The following UBR1 variants were observed in gnomAD, a reference collection of about 807,000 sequenced individuals.
UBR1 encodes ubiquitin protein ligase E3 component n-recognin 1, also known as E3 ubiquitin-protein ligase UBR1.
Under a neutral mutation model 242.1 loss-of-function variants are expected in UBR1, and 102 were observed. The observed-to-expected ratio is 0.42, with a 90% CI of 0.36 to 0.50. The LOEUF is 0.50. Ranked by LOEUF, UBR1 falls within the 20% of genes least tolerant of loss-of-function variation. The pLI, the probability that UBR1 is intolerant of heterozygous loss-of-function variation, is 0.01. For missense variants in UBR1, 1,772 were observed against 2,101.8 expected (o/e 0.84, Z 3.07); for synonymous variants, 675 against 684.8 (o/e 0.99, Z 0.22).
intron 27 of UBR1, among the ~76,000 whole-genome samples, chr15:43,019,373 T>C (rs1400945683): frequency 6.6e-6 from 1 of 151,606 alleles, no homozygotes; most frequent in African/African-American, 2.4e-5. Context: ...AATAATGATA[T>C]TACATCATGC....
intron 46 of UBR1, among the ~76,000 whole-genome samples, chr15:42,946,327 A>C (rs1168865867): frequency 6.6e-6 from 1 of 151,974 alleles, no homozygotes; most frequent in East Asian, 1.9e-4. Flanking sequence ...GGGGTTTCAC[A>C]ATGTTGGCCA....
intron 14 of UBR1, among the ~76,000 whole-genome samples, chr15:43,044,304 T>C (rs1012421223): frequency 7.2e-5 from 11 of 152,074 alleles, no homozygotes; most frequent in Admixed American, 6.6e-5. Flanking sequence ...ATAAAGTTAG[T>C]AGACAAAGAA....
chr15:43,083,087 T>A (rs900342838), intron 2 of UBR1, among the ~76,000 whole-genome samples: 5 of 152,238 alleles, frequency 3.3e-5, no homozygotes, highest in Non-Finnish European at 7.3e-5. Flanking sequence ...AAATATATTT[T>A]ACAAAAGCTG....
rs1393906747 is a variant in UBR1 at position 43,047,135 on chromosome 15, T to A, written c.1668+26A>T. 1.9e-6 allele frequency: 3 copies of A among 1,613,806 alleles called. No homozygotes were observed. In the South Asian group the frequency reaches 3.3e-5, roughly 18 times the overall value. ...AATTACTAAGAACTTAAAAAGGCAC[T>A]GATCCTACTAACAAATTTTACTTAC... On this transcript the variant is annotated intron_variant, in intron 14 of 46. Transcript: ENST00000290650.
At position 42,963,949 on chromosome 15, in the gene UBR1, C is replaced by T. The variant is rs537486780; in HGVS notation, c.4686G>A (p.Arg1562=). The T allele has an allele frequency of 1.6e-5, 25 of 1,611,624 alleles. No homozygotes were observed. In the South Asian group the frequency reaches 2.7e-4, roughly 18 times the overall value. Residue 1562 remains arginine (R), a synonymous_variant, in exon 42 of 47, where the codon AGG becomes AGA. Coordinates refer to ENST00000290650, the MANE Select transcript of UBR1 (RefSeq NM_174916.3). ...LLFQEYWDTV[R]PLLQRWCADP... ...CCCCATAGTACCTCTGGAGCAAGGG[C>T]CTTACAGTATCCCAATATTCCTGGA...
chr15:43,003,357 GCGATTCT>G (rs2032755429), intron 31 of UBR1: 1 of 189,956 alleles, frequency 5.3e-6, no homozygotes, highest in Non-Finnish European at 1.1e-5. Flanking sequence ...CTGGGTTCAA[GCGATTCT>G]CCTGCCTCAG....
chr15:43,017,265 G>T (rs2033040019), intron 27 of UBR1, 84 bp from the exon 28 acceptor site: 3 of 936,488 alleles, frequency 3.2e-6, no homozygotes, highest in Admixed American at 3.9e-5. Context: ...ATCTGATTTT[G>T]GCATCATATC....
At chr15:43,031,956 T>G (rs2033263200) in intron 20 of UBR1, among the ~76,000 whole-genome samples, 1 of 151,986 alleles carries the variant, frequency 6.6e-6, no homozygotes, top group Non-Finnish European at 1.5e-5. Flanking sequence ...ATCGCTTGAA[T>G]CCAGGAGGCA....
At chr15:43,042,009 C>T (rs962480550) in intron 15 of UBR1, among the ~76,000 whole-genome samples, 3 of 151,948 alleles carry the variant, frequency 2.0e-5, no homozygotes, top group Admixed American at 2.0e-4. Flanking sequence ...TGGTTATTAT[C>T]TGGGGGGGAA....
chr15:43,104,180 T>C (rs2034270088), intron 1 of UBR1, among the ~76,000 whole-genome samples: 1 of 152,192 alleles, frequency 6.6e-6, no homozygotes, highest in South Asian at 2.1e-4. Context: ...TAATAATATT[T>C]CCTGAGGTAA....
At chr15:42,946,281 T>C (rs2096731363) in intron 46 of UBR1, among the ~76,000 whole-genome samples, 1 of 152,090 alleles carries the variant, frequency 6.6e-6, no homozygotes, top group African/African-American at 2.4e-5. Flanking sequence ...CCCGCCACGA[T>C]ACCTGGCTAA....
intron 15 of UBR1, among the ~76,000 whole-genome samples, chr15:43,038,972 G>C (rs1246580621): frequency 6.6e-6 from 1 of 150,736 alleles, no homozygotes; most frequent in Non-Finnish European, 1.5e-5. Flanking sequence ...CATTAAAAAG[G>C]TACTTTTAAC....
At position 43,017,081 on chromosome 15, in the gene UBR1, T is replaced by C; in HGVS notation, c.3027+14A>G. On this transcript the variant is annotated intron_variant, in intron 28 of 46. Transcript: ENST00000290650. The stretch of plus-strand genomic sequence containing the variant: ...GAATGTCACCATTACTACAGTGTTA[T>C]TACAGTGTCATACCTCATCATTCTT... 7 of 1,598,472 alleles carry C rather than the reference T, an allele frequency of 4.4e-6. No homozygotes were observed. Among genetic ancestry groups the C allele is most frequent in the Non-Finnish European group, 6.0e-6 (7 of 1,166,172 alleles).
intron 1 of UBR1, among the ~76,000 whole-genome samples, chr15:43,086,848 A>G (rs2034041963): frequency 6.6e-6 from 1 of 152,168 alleles, no homozygotes; most frequent in Admixed American, 6.5e-5. Context: ...AAAACTGGCA[A>G]TATCAAATGC....
In UBR1 at chr15:42,970,624, G is replaced by A. The variant is rs1248296879; in HGVS notation, c.4370-17C>T. The A allele has an allele frequency of 2.5e-6, 4 of 1,605,818 alleles. No homozygotes were observed. The African/African-American group carries it at 5.4e-5, about 21-fold the overall frequency. On this transcript the variant is annotated splice_polypyrimidine_tract_variant and intron_variant, in intron 39 of 46. Coordinates refer to ENST00000290650, the MANE Select transcript of UBR1 (RefSeq NM_174916.3). ...GGGGTAGGCCTGAAAAAGAAATTCTGCAAGATGAATTATGTATTTGCTATT... is the reference window on the plus strand; with the variant it reads ...GGGGTAGGCCTGAAAAAGAAATTCTACAAGATGAATTATGTATTTGCTATT...
At position 43,036,495 on chromosome 15, in the gene UBR1, G is replaced by A. The variant is rs1428099961; in HGVS notation, c.2088+33C>T. 1.1e-5 allele frequency: 16 copies of A among 1,476,204 alleles called. No homozygotes were observed. In the East Asian group the frequency reaches 3.6e-4, roughly 33 times the overall value. The allele number at this position is 1,476,204 out of a possible 1,614,324, so 91.4% of individuals were successfully genotyped here. A position where few individuals can be genotyped will look rare whatever the true frequency, so the allele number is the denominator to read the frequency against. On this transcript the variant is annotated intron_variant, in intron 18 of 46. Coordinates refer to ENST00000290650, the MANE Select transcript of UBR1 (RefSeq NM_174916.3). ...GAAAGAATTCAAGAAGGAAGATGAA[G>A]ACACAAATATCAGAAACAATTTAAA...
intron 19 of UBR1, among the ~76,000 whole-genome samples, chr15:43,034,209 C>A (rs1475755356): frequency 6.6e-6 from 1 of 151,400 alleles, no homozygotes; most frequent in Non-Finnish European, 1.5e-5. Flanking sequence ...GCACTCCAGC[C>A]TGGGTGACAG....
At position 43,007,239 on chromosome 15, in the gene UBR1, T is replaced by C. The variant is rs2032846705; in HGVS notation, c.3255A>G (p.Lys1085=). ...CCTTTTCAGTAACAGATGGACCCCG[T>C]TTAGGACCCAAAGCAATTCTAGAGT... ...SDYSRIALGP[K]RGPSVTEKEV... is the part of the protein sequence containing the mutation. Residue 1085 remains lysine (K), a synonymous_variant, in exon 30 of 47, where the codon AAA becomes AAG. Coordinates refer to ENST00000290650, the MANE Select transcript of UBR1 (RefSeq NM_174916.3). The C allele has an allele frequency of 6.2e-7, 1 of 1,613,942 alleles. No homozygotes were observed. Among genetic ancestry groups the C allele is most frequent in the Admixed American group, 1.7e-5 (1 of 59,996 alleles).
intron 1 of UBR1, among the ~76,000 whole-genome samples, chr15:43,100,275 C>T (rs140613916): frequency 3.1e-4 from 47 of 152,234 alleles, no homozygotes; most frequent in Non-Finnish European, 6.5e-4. Context: ...GTTCAGTCCT[C>T]CCACTTATGT....
Sources: gnomAD v4.1 joint callset for allele counts (sites outside exome capture counted in the v4.1 genomes callset) on GRCh38, gnomAD v4.1.1 for gene constraint, MANE v1.5 for transcripts, NCBI Gene and HGNC (gene_info 2026-07-23, HGNC 2026-07-21) for gene names.